The following TMEM63C variants were observed in gnomAD, a reference collection of about 807,000 sequenced individuals.
The protein encoded by TMEM63C is transmembrane protein 63C, also known as osmosensitive cation channel TMEM63C.
In TMEM63C, 32 loss-of-function variants were observed where a neutral mutation model predicts 99.2. That is an observed-to-expected ratio of 0.32 (90% CI 0.24 to 0.43). TMEM63C has a LOEUF of 0.43. Ranked by LOEUF, TMEM63C falls within the 20% of genes least tolerant of loss-of-function variation. The pLI is 1.00. For missense variants in TMEM63C, 826 were observed against 1,053.0 expected (o/e 0.78, Z 2.98); for synonymous variants, 376 against 397.9 (o/e 0.94, Z 0.66).
At chr14:77,210,014 G>A (rs1407909927) in intron 1 of TMEM63C, among the ~76,000 whole-genome samples, 1 of 152,142 alleles carries the variant, frequency 6.6e-6, no homozygotes, top group African/African-American at 2.4e-5. Context: ...GCCACACTGT[G>A]ACATGGTTTA....
intron 1 of TMEM63C, among the ~76,000 whole-genome samples, chr14:77,203,218 A>G (rs559029752): frequency 2.0e-3 from 309 of 151,966 alleles, no homozygotes; most frequent in Non-Finnish European, 3.0e-3. Flanking sequence ...TCTCTACTAA[A>G]AATACAAAAA....
At chr14:77,200,979 CTTTTTTTTTTT>C (rs56957814) in intron 1 of TMEM63C, 1 of 124,326 alleles carries the variant, frequency 8.0e-6, no homozygotes, top group African/African-American at 2.9e-5. Flanking sequence ...TGCTGTTTGT[CTTTTTTTTTTT>C]TTTTTTTTTG....
chr14:77,192,658 A>T, intron 1 of TMEM63C, among the ~76,000 whole-genome samples: 1 of 152,170 alleles, frequency 6.6e-6, no homozygotes, highest in East Asian at 1.9e-4. Context: ...GCTACTCGGG[A>T]GGCTGAGGCA....
In TMEM63C at chr14:77,251,847, T is replaced by C. The variant is rs561393267; in HGVS notation, c.2097T>C (p.Ile699=). 1.9e-6 allele frequency: 3 copies of C among 1,614,040 alleles called. No homozygotes were observed. The highest frequency in any genetic ancestry group is 2.2e-5 in the East Asian group (1 of 44,876). Residue 699 remains isoleucine, a synonymous_variant, in exon 22 of 24, where the codon ATT becomes ATC. Transcript: ENST00000298351. ...SLSTLLIAMV[I]AFVGIFLGKL... ...CCACCCTCCTCATTGCCATGGTGAT[T>C]GCCTTTGTTGGCATTTTTCTGGGGA...
intron 3 of TMEM63C, 71 bp from the exon 4 acceptor site, chr14:77,219,424 GGAA>G: frequency 6.7e-7 from 1 of 1,498,316 alleles, no homozygotes; most frequent in Non-Finnish European, 9.3e-7. Flanking sequence ...CTCCCCCAAG[GGAA>G]TGCAGGGGGC....
Position 77,219,505 on chromosome 14 carries a change from T to C in TMEM63C, c.158T>C (p.Leu53Pro). ...GCTTTTCCTGGCCTGTAGCTCGTCC[T>C]TGTGGTTTACTCCTTCCTCCGGAAA... ...CLNIALWVLV[L>P]VVYSFLRKAA... The change falls in exon 4 of 24, where the codon CTT becomes CCT. Residue 53 changes from leucine (L) to proline (P), a missense_variant. Coordinates refer to ENST00000298351, the MANE Select transcript of TMEM63C (RefSeq NM_020431.4). The C allele has an allele frequency of 1.9e-6, 3 of 1,613,950 alleles. No homozygotes were observed. The highest frequency in any genetic ancestry group is 2.5e-6 in the Non-Finnish European group (3 of 1,179,874).
chr14:77,219,663 G>A (rs1316468402), intron 4 of TMEM63C, 86 bp downstream of exon 4: 69 of 1,418,256 alleles, frequency 4.9e-5, no homozygotes, highest in East Asian at 1.1e-4. Context: ...CCCAGCGCCC[G>A]AGCTGCAGCA....
chr14:77,214,560 C>A lies in TMEM63C; in HGVS notation c.-14+1052C>A, dbSNP rs79113187. Among the ~76,000 whole-genome samples the A allele has an allele frequency of 2.9e-3, 434 of 152,138 alleles. 3 individuals are homozygous for A. The highest frequency in any genetic ancestry group is 0.01 in the African/African-American group (416 of 41,484). On this transcript the variant is annotated intron_variant, in intron 2 of 23. Transcript: ENST00000298351. ...GCAACATTGAGACTCTTCCTCCCTG[C>A]TTTCTAGAGCCCCCTGTCTTGGACC...
intron 12 of TMEM63C, among the ~76,000 whole-genome samples, chr14:77,240,128 T>A (rs1379550084): frequency 6.6e-6 from 1 of 152,220 alleles, no homozygotes; most frequent in Non-Finnish European, 1.5e-5. Flanking sequence ...CTCAGACACC[T>A]GCTTCAGGAC....
At chr14:77,234,658 A>T (rs1889005257) in intron 8 of TMEM63C, among the ~76,000 whole-genome samples, 1 of 152,192 alleles carries the variant, frequency 6.6e-6, no homozygotes, top group South Asian at 2.1e-4. Context: ...TTTTGAAACA[A>T]GGTGACCTTT....
chr14:77,215,316 C>G (rs1446698801), intron 2 of TMEM63C, among the ~76,000 whole-genome samples: 1 of 152,068 alleles, frequency 6.6e-6, no homozygotes, highest in Non-Finnish European at 1.5e-5. Context: ...AAACCTGAAG[C>G]AAGGCTGGGC....
chr14:77,253,891 C>T (rs1889417498), intron 23 of TMEM63C, among the ~76,000 whole-genome samples: 1 of 152,184 alleles, frequency 6.6e-6, no homozygotes, highest in South Asian at 2.1e-4. Context: ...TGCTGTCTCT[C>T]ACACAGTGGC....
intron 16 of TMEM63C, 86 bp from the exon 17 acceptor site, chr14:77,245,854 G>C (rs1889261381): frequency 1.0e-6 from 1 of 980,402 alleles, no homozygotes; most frequent in Non-Finnish European, 1.7e-6. Context: ...CCATATCAGT[G>C]TCTCTCTTCC....
At chr14:77,184,434 C>T (rs1043960674) in intron 1 of TMEM63C, among the ~76,000 whole-genome samples, 10 of 152,174 alleles carry the variant, frequency 6.6e-5, no homozygotes, top group Non-Finnish European at 1.3e-4. Flanking sequence ...CCTCAACTCT[C>T]GAATTCCACG....
At chr14:77,249,043 G>A (rs145897265) in intron 20 of TMEM63C, among the ~76,000 whole-genome samples, 171 bp downstream of exon 20, 48 of 152,268 alleles carry the variant, frequency 3.2e-4, no homozygotes, top group African/African-American at 8.7e-4. Flanking sequence ...GATGGCTGCC[G>A]ATGGGGGATG....
chr14:77,202,289 T>TACAA (rs1888311880), intron 1 of TMEM63C, among the ~76,000 whole-genome samples: 2 of 149,650 alleles, frequency 1.3e-5, no homozygotes, highest in Non-Finnish European at 3.0e-5. Context: ...CATACTCAGA[T>TACAA]ACACACACAC....
chr14:77,242,358 A>T lies in TMEM63C; in HGVS notation c.1076A>T (p.Asp359Val), dbSNP rs1401076679. Reference sequence around the variant, plus strand: ...TCCCCTCTCTGCAGTGTCCGTAAGGATTACAAGTATGTCCAGTGTGGTGTG... The same window carrying T: ...TCCCCTCTCTGCAGTGTCCGTAAGGTTTACAAGTATGTCCAGTGTGGTGTG... The part of the protein sequence containing the change: ...DSRMAKRVRK[D>V]YKYVQCGVQP... The change falls in exon 14 of 24, where the codon GAT (aspartate) becomes GTT (valine). Residue 359 changes from aspartate (D) to valine (V), a missense_variant. Coordinates refer to ENST00000298351, the MANE Select transcript of TMEM63C (RefSeq NM_020431.4). 2 of 1,609,672 alleles carry T rather than the reference A, an allele frequency of 1.2e-6. No homozygotes were observed.
Position 77,256,595 on chromosome 14 carries a change from A to G in TMEM63C, c.2290A>G (p.Thr764Ala). 1 of 1,613,946 alleles carries G rather than the reference A, an allele frequency of 6.2e-7. No homozygotes were observed. Among genetic ancestry groups the G allele is most frequent in the Non-Finnish European group, 8.5e-7 (1 of 1,179,864 alleles). Reference sequence around the variant, plus strand: ...CCCCGCCTCCTCCCCAGCCAGGCACACCTATGGCACCATGAACAACCAGCC... The same window carrying G: ...CCCCGCCTCCTCCCCAGCCAGGCACGCCTATGGCACCATGAACAACCAGCC... ...LTPASSPARHTYGTMNNQPEE... is the reference protein window; with the variant it reads ...LTPASSPARHAYGTMNNQPEE... The change falls in exon 24 of 24, where the codon ACC (threonine) becomes GCC (alanine). Residue 764 changes from threonine (T) to alanine (A), a missense_variant. Coordinates refer to ENST00000298351, the MANE Select transcript of TMEM63C (RefSeq NM_020431.4).
At chr14:77,239,846 C>A in intron 12 of TMEM63C, 120 bp downstream of exon 12, 1 of 1,359,808 alleles carries the variant, frequency 7.4e-7, no homozygotes, top group Non-Finnish European at 9.8e-7. Context: ...TCTAGTGCTC[C>A]CCACCCAGCT....
Sources: gnomAD v4.1 joint callset for allele counts (sites outside exome capture counted in the v4.1 genomes callset) on GRCh38, gnomAD v4.1.1 for gene constraint, MANE v1.5 for transcripts, NCBI Gene and HGNC (gene_info 2026-07-23, HGNC 2026-07-21) for gene names.